HIGD1C: variants seen among roughly 807,000 people sequenced by gnomAD.
HIGD1C encodes HIG1 hypoxia inducible domain family member 1C.
In HIGD1C, 11 loss-of-function variants were observed where a neutral mutation model predicts 13.1. The observed-to-expected ratio is 0.84, with a 90% confidence interval of 0.53 to 1.39. The LOEUF (loss-of-function observed/expected upper bound fraction) is 1.39. HIGD1C is among the 40% of genes most tolerant of loss of function. The pLI, the probability that HIGD1C is intolerant of heterozygous loss-of-function variation, is 0.00. For synonymous variants in HIGD1C, 36 were observed against 37.7 expected (o/e 0.95, Z 0.17); for missense variants, 110 against 112.0 (o/e 0.98, Z 0.08).
the HIGD1C span, among the ~76,000 whole-genome samples, chr12:50,944,694 C>A: frequency 6.6e-6 from 1 of 152,146 alleles, no homozygotes; most frequent in African/African-American, 2.4e-5. Flanking sequence ...TGAGACCAGC[C>A]TGGCCAACAT....
At chr12:50,933,841 A>AT in the HIGD1C span, among the ~76,000 whole-genome samples, 1 of 152,238 alleles carries the variant, frequency 6.6e-6, no homozygotes, top group Admixed American at 6.5e-5. Context: ...AAGCAGACAC[A>AT]TGGGAGGATC....
chr12:50,946,890 A>G, the HIGD1C span, among the ~76,000 whole-genome samples: 2 of 152,218 alleles, frequency 1.3e-5, no homozygotes, highest in Non-Finnish European at 2.9e-5. Flanking sequence ...CACATGTACC[A>G]TAGAACTTAA....
intron 2 of HIGD1C, among the ~76,000 whole-genome samples, chr12:50,970,230 GTTGATA>G (rs976272398): frequency 7.2e-5 from 11 of 152,122 alleles, no homozygotes; most frequent in African/African-American, 2.2e-4. Flanking sequence ...ATAAATTTAA[GTTGATA>G]TTGATTTGAA....
chr12:50,969,470 C>A (rs961698122), intron 2 of HIGD1C, among the ~76,000 whole-genome samples: 1 of 152,012 alleles, frequency 6.6e-6, no homozygotes, highest in East Asian at 1.9e-4. Context: ...GAGGCCAAGG[C>A]AGGCAGACCA....
chr12:50,967,496 C>T (rs1939584741), intron 2 of HIGD1C, among the ~76,000 whole-genome samples: 2 of 152,124 alleles, frequency 1.3e-5, no homozygotes, highest in Admixed American at 6.6e-5. Flanking sequence ...AAGCTGGTCT[C>T]GAACTCCTGA....
intron 2 of HIGD1C, among the ~76,000 whole-genome samples, chr12:50,967,698 C>T (rs148638659): frequency 6.6e-6 from 1 of 152,180 alleles, no homozygotes; most frequent in Non-Finnish European, 1.5e-5. Flanking sequence ...GAACCAATTC[C>T]GGATAACCCA....
chr12:50,942,429 T>C, the HIGD1C span, among the ~76,000 whole-genome samples: 1 of 152,212 alleles, frequency 6.6e-6, no homozygotes, highest in African/African-American at 2.4e-5. Flanking sequence ...CACTCTTTAC[T>C]TGGCTTAACT....
chr12:50,946,771 C>T, the HIGD1C span, among the ~76,000 whole-genome samples: 1 of 152,052 alleles, frequency 6.6e-6, no homozygotes, highest in African/African-American at 2.4e-5. Context: ...GCTATAAAGA[C>T]ACAGGGAGGG....
intron 2 of HIGD1C, among the ~76,000 whole-genome samples, chr12:50,964,683 T>C (rs1368483497): frequency 2.0e-5 from 3 of 152,142 alleles, no homozygotes; most frequent in South Asian, 4.1e-4. Flanking sequence ...GTAAAAGATA[T>C]ACAGAAAAAA....
chr12:50,937,371 G>A, the HIGD1C span, among the ~76,000 whole-genome samples: 5 of 152,232 alleles, frequency 3.3e-5, no homozygotes, highest in African/African-American at 7.2e-5. Context: ...GCATCTGGAC[G>A]AGGGGAATGT....
chr12:50,935,245 C>A, the HIGD1C span: 1 of 152,126 alleles, frequency 6.6e-6, no homozygotes, highest in Non-Finnish European at 1.5e-5. Flanking sequence ...ATATTTAAAA[C>A]CAGAAGCATT....
At chr12:50,944,283 T>C in the HIGD1C span, among the ~76,000 whole-genome samples, 3 of 152,178 alleles carry the variant, frequency 2.0e-5, no homozygotes, top group African/African-American at 7.2e-5. Flanking sequence ...ACTGTTCCCC[T>C]CTTCAGGAAT....
At chr12:50,970,967 C>A (rs1438214443), downstream of HIGD1C, among the ~76,000 whole-genome samples, 1 of 152,104 alleles carries the variant, frequency 6.6e-6, no homozygotes, top group Admixed American at 6.6e-5. Flanking sequence ...CAACCTCTGC[C>A]TCTCAGGTTC....
upstream of HIGD1C, among the ~76,000 whole-genome samples, chr12:50,952,059 A>ATT (rs141699945): frequency 7.5e-3 from 1,031 of 136,710 alleles, 6 homozygotes; most frequent in Admixed American, 0.015. Context: ...TAGACCAGAA[A>ATT]TTTTTTTTTT....
intron 2 of HIGD1C, among the ~76,000 whole-genome samples, chr12:50,969,092 C>A (rs777315513): frequency 6.6e-6 from 1 of 151,378 alleles, no homozygotes; most frequent in Non-Finnish European, 1.5e-5. Context: ...GTCAGGAGTT[C>A]GAGACCAGCC....
chr12:50,950,979 C>A (rs764408990), upstream of HIGD1C, among the ~76,000 whole-genome samples: 24 of 150,154 alleles, frequency 1.6e-4, no homozygotes, highest in Admixed American at 1.6e-3. Context: ...CCACCGCGCC[C>A]GGCCATAAGT....
At chr12:50,933,888 G>A in the HIGD1C span, among the ~76,000 whole-genome samples, 1 of 152,180 alleles carries the variant, frequency 6.6e-6, no homozygotes. Context: ...ATCACCCCAT[G>A]GCAGGATCCA....
chr12:50,971,698 G>GA (rs1047771479), downstream of HIGD1C, among the ~76,000 whole-genome samples: 25 of 152,016 alleles, frequency 1.6e-4, no homozygotes, highest in African/African-American at 6.0e-4. Flanking sequence ...GCCTAGGAGA[G>GA]AAAAAAATAG....
At chr12:50,958,489 GC>G (rs1449595919) in intron 1 of HIGD1C, among the ~76,000 whole-genome samples, 1 of 150,682 alleles carries the variant, frequency 6.6e-6, no homozygotes, top group African/African-American at 2.4e-5. Flanking sequence ...CTCTGTGTTA[GC>G]CAGGATGGTC....
Sources: gnomAD v4.1 joint callset for allele counts (sites outside exome capture counted in the v4.1 genomes callset) on GRCh38, gnomAD v4.1.1 for gene constraint, MANE v1.5 for transcripts, NCBI Gene and HGNC (gene_info 2026-07-23, HGNC 2026-07-21) for gene names.